The following CUX2 variants were observed in gnomAD, a reference collection of about 807,000 sequenced individuals.
CUX2 encodes the protein cut like homeobox 2, also known as homeobox protein cut-like 2.
In CUX2, 40 loss-of-function variants were observed where a neutral mutation model predicts 144.8. The ratio of observed to expected loss-of-function variants is 0.28; its 90% confidence interval spans 0.21 to 0.36. CUX2 has a LOEUF of 0.36. Ranked by LOEUF, CUX2 falls within the 10% of genes least tolerant of loss-of-function variation. CUX2 has a pLI of 1.00. For synonymous variants in CUX2, 827 were observed against 875.6 expected, an observed-to-expected ratio of 0.94 and a Z score of 0.98; for missense variants, 1,615 against 1,994.0, an observed-to-expected ratio of 0.81 and a Z score of 3.62.
chr12:111,334,346 T>C, intron 18 of CUX2, 95 bp from the exon 19 acceptor site: 2 of 1,380,696 alleles, frequency 1.4e-6, no homozygotes, highest in South Asian at 1.4e-5. Flanking sequence ...AAATGGGTGT[T>C]TGGCAACTCT....
Position 111,308,229 on chromosome 12 carries a change from C to T in CUX2, c.1110-56C>T, listed in dbSNP as rs2136367782. ...GCCGGGTCAGTGCCTCTTGAAAGAC[C>T]TCTCCTCCAGCCCGGGGGCTGGCTG... On this transcript the variant is annotated intron_variant, in intron 12 of 21. Coordinates refer to ENST00000261726, the MANE Select transcript of CUX2 (RefSeq NM_015267.4). 2.5e-6 allele frequency: 4 copies of T among 1,605,968 alleles called. No homozygotes were observed. The Admixed American group carries it at 5.0e-5, about 20-fold the overall frequency.
intron 1 of CUX2, among the ~76,000 whole-genome samples, chr12:111,118,132 A>T (rs1385422228): frequency 2.0e-5 from 3 of 152,168 alleles, no homozygotes; most frequent in East Asian, 3.8e-4. Context: ...GTGCTAGTTT[A>T]TATCAGTTCA....
At chr12:111,080,750 A>G (rs564847501) in intron 1 of CUX2, among the ~76,000 whole-genome samples, 1 of 152,332 alleles carries the variant, frequency 6.6e-6, no homozygotes, top group South Asian at 2.1e-4. Context: ...AGCACCTAAA[A>G]TGGCACTTGG....
rs908790581 is a variant in CUX2, at chr12:111,088,760, G to A, written c.63+54520G>A. 7.2e-5 allele frequency among the ~76,000 whole-genome samples: 11 copies of A among 152,160 alleles called. 1 individual carries two copies. Among genetic ancestry groups the A allele is most frequent in the South Asian group, 6.2e-4 (3 of 4,826 alleles). Reference sequence around the variant, plus strand: ...GAGCCCTTAGTTCTTTCCTCTAGACGTGCAACTCTGAGCGCCTCAGGTTTG... The same window carrying A: ...GAGCCCTTAGTTCTTTCCTCTAGACATGCAACTCTGAGCGCCTCAGGTTTG... On this transcript the variant is annotated intron_variant, in intron 1 of 21. Coordinates refer to ENST00000261726, the MANE Select transcript of CUX2 (RefSeq NM_015267.4).
intron 16 of CUX2, among the ~76,000 whole-genome samples, chr12:111,313,123 G>A (rs1332535211): frequency 4.6e-5 from 7 of 152,112 alleles, no homozygotes; most frequent in East Asian, 1.9e-4. Context: ...GTGCAGTGGC[G>A]CAGTCTCAGC....
At chr12:111,150,577 G>A (rs1876975476) in intron 1 of CUX2, among the ~76,000 whole-genome samples, 1 of 152,180 alleles carries the variant, frequency 6.6e-6, no homozygotes, top group African/African-American at 2.4e-5. Context: ...GGACAGGAAG[G>A]CAGTTAGGGA....
chr12:111,185,935 C>T (rs892168507), intron 1 of CUX2, among the ~76,000 whole-genome samples: 5 of 151,856 alleles, frequency 3.3e-5, no homozygotes. Context: ...CCCTCCCTGT[C>T]TTTCTGTTTG....
intron 4 of CUX2, among the ~76,000 whole-genome samples, chr12:111,288,018 T>G (rs774128385): frequency 2.6e-5 from 4 of 152,156 alleles, no homozygotes; most frequent in Non-Finnish European, 4.4e-5. Context: ...TAGGTGAACC[T>G]GCAAATAAAC....
At chr12:111,189,027 C>G (rs1458423338) in intron 1 of CUX2, among the ~76,000 whole-genome samples, 2 of 152,146 alleles carry the variant, frequency 1.3e-5, no homozygotes, top group African/African-American at 4.8e-5. Context: ...CTCACAAAAT[C>G]CCAACACTTT....
Position 111,310,284 on chromosome 12 carries a change from C to T in CUX2, c.1502C>T (p.Ala501Val), listed in dbSNP as rs945898171. ...CCCCCAGCCGCCTTCAAGGGAGAGGCGGGCGGCCTGCTGGTGTTCCCCCCA... is the reference window on the plus strand; with the variant it reads ...CCCCCAGCCGCCTTCAAGGGAGAGGTGGGCGGCCTGCTGGTGTTCCCCCCA... The part of the protein sequence containing the change: ...MMPPAAFKGE[A>V]GGLLVFPPAF... Residue 501 changes from alanine to valine, a missense_variant, in exon 15 of 22, where the codon GCG becomes GTG. Coordinates refer to ENST00000261726, the MANE Select transcript of CUX2 (RefSeq NM_015267.4). The surrounding 1 kb of genome is among the most constrained non-coding windows in gnomAD (Gnocchi z 7.9). 34 of 1,494,002 alleles carry T rather than the reference C, an allele frequency of 2.3e-5. No homozygotes were observed. Among genetic ancestry groups the T allele is most frequent in the Non-Finnish European group, 2.9e-5 (32 of 1,118,856 alleles). The allele number at this position is 1,494,002 out of a possible 1,614,324, so 92.5% of individuals were successfully genotyped here.
At chr12:111,119,406 C>T (rs970921898) in intron 1 of CUX2, among the ~76,000 whole-genome samples, 1 of 151,934 alleles carries the variant, frequency 6.6e-6, no homozygotes, top group African/African-American at 2.4e-5. Context: ...GAATTTGAGA[C>T]CAGCCTGGGC....
chr12:111,224,050 T>C (rs1202147477), intron 3 of CUX2, among the ~76,000 whole-genome samples: 1 of 152,134 alleles, frequency 6.6e-6, no homozygotes, highest in Non-Finnish European at 1.5e-5. Context: ...GTGGGAGTCA[T>C]GGGAGGCTTT....
chr12:111,188,291 T>C (rs909117930), intron 1 of CUX2, among the ~76,000 whole-genome samples: 3 of 152,204 alleles, frequency 2.0e-5, no homozygotes, highest in African/African-American at 7.2e-5. Flanking sequence ...AAGAGGACGA[T>C]GCAGTGTGGA....
At chr12:111,266,512 C>A (rs1884401059) in intron 4 of CUX2, among the ~76,000 whole-genome samples, 1 of 151,440 alleles carries the variant, frequency 6.6e-6, no homozygotes, top group African/African-American at 2.4e-5. Context: ...CAGAGATAGC[C>A]ACTGAGGAAA....
chr12:111,281,226 A>T (rs1885101349), intron 4 of CUX2, among the ~76,000 whole-genome samples: 2 of 151,300 alleles, frequency 1.3e-5, no homozygotes, highest in Non-Finnish European at 2.9e-5. Context: ...ATCTCCCCCA[A>T]CTCCACTCCA....
intron 4 of CUX2, among the ~76,000 whole-genome samples, chr12:111,266,569 A>G (rs1449017706): frequency 6.6e-6 from 1 of 152,164 alleles, no homozygotes; most frequent in Non-Finnish European, 1.5e-5. Flanking sequence ...GCTACAAGGC[A>G]AGGAGCACCA....
At chr12:111,283,001 T>G (rs996878082) in intron 4 of CUX2, among the ~76,000 whole-genome samples, 3 of 151,658 alleles carry the variant, frequency 2.0e-5, no homozygotes, top group African/African-American at 7.3e-5. Context: ...TCACTTGAGG[T>G]CAGGAGTTAG....
At chr12:111,188,664 T>G (rs1299988306) in intron 1 of CUX2, among the ~76,000 whole-genome samples, 1 of 151,406 alleles carries the variant, frequency 6.6e-6, no homozygotes, top group Non-Finnish European at 1.5e-5. Context: ...GGCAGAGAAG[T>G]GGGCGGGGCC....
chr12:111,257,608 ACTCTTCCTCCTCCCTGCTCTTCCTCCTCC>A (rs1565876655), intron 3 of CUX2, among the ~76,000 whole-genome samples: 1 of 36,298 alleles, frequency 2.8e-5, no homozygotes, highest in Non-Finnish European at 5.3e-5. Flanking sequence ...TCTCCTCCTC[ACTCTTCCTCCTCCCTGCTCTTCCTCCTCC>A]CTCTTCCTCC....
Sources: gnomAD v4.1 joint callset for allele counts (sites outside exome capture counted in the v4.1 genomes callset) on GRCh38, gnomAD v4.1.1 for gene constraint, Gnocchi (gnomAD v3.1) non-coding constraint, MANE v1.5 for transcripts, NCBI Gene and HGNC (gene_info 2026-07-23, HGNC 2026-07-21) for gene names.